NFATC3: variants seen among roughly 807,000 people sequenced by gnomAD.
The protein encoded by NFATC3 is nuclear factor of activated T cells 3, also known as nuclear factor of activated T-cells, cytoplasmic 3.
Under a neutral mutation model 98.6 loss-of-function variants are expected in NFATC3, and 46 were observed. The ratio of observed to expected loss-of-function variants is 0.47; its 90% confidence interval spans 0.37 to 0.60. The LOEUF (loss-of-function observed/expected upper bound fraction) is 0.60, where lower values mean the gene tolerates loss of function less well. Among genes scored for constraint, NFATC3 ranks in the 20% least tolerant of loss-of-function variants. The probability of loss-of-function intolerance (pLI) is 0.00; values close to 1 mark genes in which losing one functional copy is unlikely to be tolerated. For synonymous variants in NFATC3, 512 were observed against 472.2 expected, an observed-to-expected ratio of 1.08 and a Z score of -1.09; for missense variants, 1,256 against 1,295.5, an observed-to-expected ratio of 0.97 and a Z score of 0.47.
chr16:68,140,155 G>A (rs937581170), intron 3 of NFATC3, among the ~76,000 whole-genome samples: 4 of 151,920 alleles, frequency 2.6e-5, no homozygotes, highest in African/African-American at 9.7e-5. Context: ...ATGCCACCAC[G>A]CCTGGCTAGT....
At chr16:68,221,522 G>A (rs2151179685) in intron 9 of NFATC3, 28 of 1,258,548 alleles carry the variant, frequency 2.2e-5, no homozygotes, top group Non-Finnish European at 2.8e-5. Context: ...GATTCAGTTG[G>A]CAAGTAATTT....
At chr16:68,141,347 G>A (rs1351022839) in intron 3 of NFATC3, among the ~76,000 whole-genome samples, 1 of 152,078 alleles carries the variant, frequency 6.6e-6, no homozygotes, top group Non-Finnish European at 1.5e-5. Flanking sequence ...CGGATTGAAT[G>A]GTAGATCTAC....
intron 9 of NFATC3, among the ~76,000 whole-genome samples, chr16:68,199,330 TCTC>T (rs2040809704): frequency 6.7e-6 from 1 of 149,218 alleles, no homozygotes; most frequent in Admixed American, 6.7e-5. Context: ...TTCACGCCAT[TCTC>T]CTGCCTCAGC....
chr16:68,174,589 A>G, intron 6 of NFATC3, 75 bp downstream of exon 6: 1 of 1,221,454 alleles, frequency 8.2e-7, no homozygotes, highest in Non-Finnish European at 1.1e-6. Context: ...TGTTTCTGTA[A>G]CAAAAATTAC....
chr16:68,192,720 A>G, intron 9 of NFATC3, among the ~76,000 whole-genome samples: 1 of 152,110 alleles, frequency 6.6e-6, no homozygotes, highest in East Asian at 1.9e-4. Context: ...AAAATTAGCC[A>G]GGCATAGTGA....
rs1436582937 is a variant in NFATC3, at chr16:68,191,704, T to G, written c.3035T>G (p.Ile1012Ser). The change falls in exon 9 of 10, where the codon ATT becomes AGT. Residue 1012 changes from isoleucine (I) to serine (S), a missense_variant. Transcript: ENST00000346183. The stretch of plus-strand genomic sequence containing the variant: ...CCACCTGATGGGGCAACTGTGAGCA[T>G]TAAACCTGAACCAGAAGATCGAGAG... Reference protein sequence around the residue: ...SFPPDGATVSIKPEPEDREPN... With the variant: ...SFPPDGATVSSKPEPEDREPN... 1 of 1,614,114 alleles carries G rather than the reference T, an allele frequency of 6.2e-7. No homozygotes were observed. Among genetic ancestry groups the G allele is most frequent in the Admixed American group, 1.7e-5 (1 of 60,002 alleles).
intron 1 of NFATC3, chr16:68,086,945 C>G (rs2034411245): frequency 3.5e-6 from 1 of 285,656 alleles, no homozygotes; most frequent in African/African-American, 2.3e-5. Context: ...ACCACTCTTA[C>G]GGACCCTGTA....
At chr16:68,103,258 C>T (rs1222239907) in intron 1 of NFATC3, among the ~76,000 whole-genome samples, 1 of 151,242 alleles carries the variant, frequency 6.6e-6, no homozygotes, top group Admixed American at 6.6e-5. Flanking sequence ...GCTGGAATGC[C>T]ATGGTGTGTG....
chr16:68,198,273 A>G (rs1282404730), intron 9 of NFATC3, among the ~76,000 whole-genome samples: 2 of 151,750 alleles, frequency 1.3e-5, no homozygotes, highest in East Asian at 2.0e-4. Context: ...AGTGGTGATC[A>G]TGCTACTACA....
chr16:68,180,007 G>T (rs1172646363), intron 6 of NFATC3, among the ~76,000 whole-genome samples: 1 of 152,186 alleles, frequency 6.6e-6, no homozygotes, highest in Non-Finnish European at 1.5e-5. Context: ...TGCACCCCAA[G>T]AAAGCTTTCA....
intron 3 of NFATC3, among the ~76,000 whole-genome samples, chr16:68,134,244 C>G (rs534252926): frequency 1.3e-5 from 2 of 152,252 alleles, no homozygotes; most frequent in East Asian, 3.9e-4. Flanking sequence ...CCATTGCAAC[C>G]TCAAACTCAT....
At position 68,087,468 on chromosome 16, in the gene NFATC3, A is replaced by G. The variant is rs180978345; in HGVS notation, c.103+1684A>G. Among the ~76,000 whole-genome samples the G allele has an allele frequency of 6.1e-3, 934 of 152,354 alleles. 1 individual carries two copies. Among genetic ancestry groups the G allele is most frequent in the Non-Finnish European group, 8.2e-3 (560 of 68,038 alleles). On this transcript the variant is annotated intron_variant, in intron 1 of 9. Transcript: ENST00000346183. ...TAACTTGATTTATAACTGAAATTTC[A>G]AAAGGTAAACATCAGCAGTTTTATT... is the stretch of plus-strand genomic sequence containing the variant.
intron 6 of NFATC3, among the ~76,000 whole-genome samples, chr16:68,179,366 A>G (rs1035214869): frequency 6.6e-6 from 1 of 152,244 alleles, no homozygotes; most frequent in East Asian, 1.9e-4. Flanking sequence ...TCTCAGTAAC[A>G]TGAAGTGTCT....
At chr16:68,205,421 T>A (rs911992559) in intron 9 of NFATC3, among the ~76,000 whole-genome samples, 11 of 152,098 alleles carry the variant, frequency 7.2e-5, no homozygotes, top group Non-Finnish European at 1.5e-4. Flanking sequence ...GGCTAATTTT[T>A]AAATTTTTTT....
intron 9 of NFATC3, 33 bp from the exon 10 acceptor site, chr16:68,226,317 T>A: frequency 4.5e-6 from 7 of 1,553,406 alleles, no homozygotes; most frequent in Non-Finnish European, 5.2e-6. Context: ...CACTCAGAGG[T>A]CACTAATCAC....
At chr16:68,128,663 A>C (rs2036964306) in intron 3 of NFATC3, among the ~76,000 whole-genome samples, 1 of 152,184 alleles carries the variant, frequency 6.6e-6, no homozygotes, top group Non-Finnish European at 1.5e-5. Flanking sequence ...AAAAACAAAA[A>C]CTGAGCCAGG....
At chr16:68,092,701 G>T (rs995615281) in intron 1 of NFATC3, among the ~76,000 whole-genome samples, 1 of 152,018 alleles carries the variant, frequency 6.6e-6, no homozygotes, top group South Asian at 2.1e-4. Context: ...GACCAGTCTG[G>T]ATAACATAAG....
At chr16:68,212,956 A>AT (rs1234209557) in intron 9 of NFATC3, among the ~76,000 whole-genome samples, 3,673 of 117,586 alleles carry the variant, frequency 0.031, 79 homozygotes, top group African/African-American at 0.058. Flanking sequence ...CGCCTGGCTG[A>AT]TTTTTTTTTT....
At chr16:68,213,917 G>C (rs187117492) in intron 9 of NFATC3, among the ~76,000 whole-genome samples, 1 of 152,304 alleles carries the variant, frequency 6.6e-6, no homozygotes, top group East Asian at 1.9e-4. Flanking sequence ...TTTGTGGTTT[G>C]AGTTTGTATT....
Sources: allele counts gnomAD v4.1 joint callset (sites outside exome capture counted in the v4.1 genomes callset), GRCh38; gene constraint gnomAD v4.1.1; transcripts MANE v1.5; gene names NCBI Gene and HGNC (gene_info 2026-07-23, HGNC 2026-07-21).